Variants in GBP2 observed in about 807,000 individuals in gnomAD.
GBP2 encodes guanylate binding protein 2, also known as guanylate-binding protein 2.
Under a neutral mutation model 60.8 loss-of-function variants are expected in GBP2, and 54 were observed. The observed-to-expected ratio is 0.89, with a 90% CI of 0.71 to 1.11. The LOEUF is 1.11. GBP2 is among the 50% of genes most tolerant of loss of function. The probability of loss-of-function intolerance (pLI) is 0.00; values close to 1 mark genes in which losing one functional copy is unlikely to be tolerated. For synonymous variants in GBP2, 243 were observed against 256.5 expected (o/e 0.95, Z 0.50); for missense variants, 665 against 703.3 (o/e 0.95, Z 0.62).
intron 1 of GBP2, among the ~76,000 whole-genome samples, chr1:89,123,978 T>C (rs1681462246): frequency 6.6e-6 from 1 of 152,232 alleles, no homozygotes; most frequent in African/African-American, 2.4e-5. Context: ...TATACATGTA[T>C]ATTTTCTTAT....
intron 4 of GBP2, chr1:89,118,731 G>C (rs905767068): frequency 2.0e-5 from 3 of 152,168 alleles, no homozygotes; most frequent in Non-Finnish European, 2.9e-5. Context: ...TTTGATAGTG[G>C]AGCTGAAGGA....
intron 4 of GBP2, chr1:89,119,371 G>A (rs1681350116): frequency 6.6e-6 from 1 of 152,164 alleles, no homozygotes; most frequent in African/African-American, 2.4e-5. Flanking sequence ...ATCTAATTCA[G>A]TATAATGCTT....
At position 89,121,254 on chromosome 1, in the gene GBP2, G is replaced by C. The variant is rs747689051; in HGVS notation, c.207C>G (p.Ser69=). The C allele has an allele frequency of 3.1e-6, 5 of 1,607,658 alleles. No individual in the cohort carries two copies. In the South Asian group the frequency reaches 5.5e-5, roughly 18 times the overall value. ...TTCCCTTGGTGTGAGACTTCACTGT[G>C]GAGCCTAGAGAGAAGCCTGTAGAAG... ...AGKKNGFSLG[S]TVKSHTKGIW... The change falls in exon 3 of 11, where the codon TCC becomes TCG. Residue 69 remains serine, a synonymous_variant. Coordinates refer to ENST00000370466, the MANE Select transcript of GBP2 (RefSeq NM_004120.5).
rs570017772 is a variant in GBP2 at position 89,121,389 on chromosome 1, T to A, written c.191-119A>T. On this transcript the variant is annotated intron_variant, in intron 2 of 10. Coordinates refer to ENST00000370466, the MANE Select transcript of GBP2 (RefSeq NM_004120.5). ...TAAAAGAAAATACAACTGGCATAAATCTTAATTACAATCCTGGAAACAGGA... is the reference window on the plus strand; with the variant it reads ...TAAAAGAAAATACAACTGGCATAAAACTTAATTACAATCCTGGAAACAGGA... The A allele has an allele frequency of 4.6e-4, 393 of 861,522 alleles. 1 individual carries two copies. In the African/African-American group the frequency reaches 6.2e-3, roughly 14 times the overall value. 53.4% of individuals were successfully genotyped at this position (861,522 alleles called of 1,614,324 possible). A position where few individuals can be genotyped will look rare whatever the true frequency, so the allele number is the denominator to read the frequency against.
In GBP2 at chr1:89,110,368, C is replaced by G. The variant is rs1192264533; in HGVS notation, c.1363-102G>C. 3 of 846,262 alleles carry G rather than the reference C, an allele frequency of 3.5e-6. No homozygotes were observed. The African/African-American group carries it at 5.2e-5, about 15-fold the overall frequency. 52.4% of individuals were successfully genotyped at this position (846,262 alleles called of 1,614,324 possible). ...ACCCAGAGGAAAATAAGTCATTACA[C>G]AAAAAAGATACTTGCATACGCATGT... On this transcript the variant is annotated intron_variant, in intron 8 of 10. Coordinates refer to ENST00000370466, the MANE Select transcript of GBP2 (RefSeq NM_004120.5).
intron 7 of GBP2, 142 bp downstream of exon 7, chr1:89,113,874 C>T: frequency 9.0e-7 from 1 of 1,111,326 alleles, no homozygotes; most frequent in Non-Finnish European, 1.3e-6. Context: ...AGGTCTAAGG[C>T]TATGCACATT....
rs371230950 is a variant in GBP2, at chr1:89,112,460, C to T, written c.1362+12G>A. On this transcript the variant is annotated intron_variant, in intron 8 of 10. Transcript: ENST00000370466. ...GCGAGTCCCAAGAAATGGTACCCACCGTGTAGTTTACCTGTATCCCCTTCC... is the reference window on the plus strand; with the variant it reads ...GCGAGTCCCAAGAAATGGTACCCACTGTGTAGTTTACCTGTATCCCCTTCC... The T allele has an allele frequency of 3.7e-5, 59 of 1,610,862 alleles. 2 individuals are homozygous for T. Among genetic ancestry groups the T allele is most frequent in the Middle Eastern group, 3.3e-4 (2 of 6,072 alleles).
chr1:89,114,586 C>A lies in GBP2; in HGVS notation c.869-290G>T, dbSNP rs542986472. Among the ~76,000 whole-genome samples the A allele has an allele frequency of 2.6e-5, 4 of 152,272 alleles. No individual in the cohort carries two copies. The East Asian group carries it at 7.7e-4, about 29-fold the overall frequency. On this transcript the variant is annotated intron_variant, in intron 6 of 10. Transcript: ENST00000370466. ...TTTTCTCTCACCTCTCCCTCTATTC[C>A]CTTTCTCTCTTCACTACTAATTTAT...
intron 1 of GBP2, among the ~76,000 whole-genome samples, chr1:89,124,480 A>G (rs752081187): frequency 7.9e-5 from 12 of 152,216 alleles, no homozygotes; most frequent in Admixed American, 1.3e-4. Flanking sequence ...GGACTGAGCA[A>G]AGCTGAGCTC....
intron 8 of GBP2, among the ~76,000 whole-genome samples, chr1:89,111,185 A>G (rs1681157773): frequency 6.6e-6 from 1 of 152,238 alleles, no homozygotes; most frequent in Non-Finnish European, 1.5e-5. Flanking sequence ...TGACAGACTC[A>G]CAGCTATTAT....
At chr1:89,111,497 C>T (rs1336445653) in intron 8 of GBP2, among the ~76,000 whole-genome samples, 1 of 151,946 alleles carries the variant, frequency 6.6e-6, no homozygotes, top group African/African-American at 2.4e-5. Context: ...GGTCATCATG[C>T]TAAATGAAAT....
chr1:89,110,499 A>AC (rs984731415), intron 8 of GBP2, among the ~76,000 whole-genome samples: 3 of 152,188 alleles, frequency 2.0e-5, no homozygotes, highest in South Asian at 2.1e-4. Flanking sequence ...AACATATAAT[A>AC]CCCCCCCACA....
At position 89,125,411 on chromosome 1, in the gene GBP2, G is replaced by A. The variant is rs116132203; in HGVS notation, c.-18+452C>T. Among the ~76,000 whole-genome samples the A allele has an allele frequency of 9.9e-3, 1,511 of 152,276 alleles. 15 individuals are homozygous for A. Among genetic ancestry groups the A allele is most frequent in the Non-Finnish European group, 0.015 (998 of 68,020 alleles). ...CTTCTGTTTCATTTTATAGCATGAT[G>A]TAAACCACCTTAAAATGGGAATCAA... is the stretch of plus-strand genomic sequence containing the variant. On this transcript the variant is annotated intron_variant, in intron 1 of 10. Transcript: ENST00000370466.
rs1034965462 is a variant in GBP2 at position 89,109,660 on chromosome 1, A to T, written c.1659+17T>A. Reference sequence around the variant, plus strand: ...TGGGGCACTGGAAGAGAAAATTGAGATGATGCAATTGAATACCTGAAGTTT... The same window carrying T: ...TGGGGCACTGGAAGAGAAAATTGAGTTGATGCAATTGAATACCTGAAGTTT... On this transcript the variant is annotated intron_variant, in intron 10 of 10. Coordinates refer to ENST00000370466, the MANE Select transcript of GBP2 (RefSeq NM_004120.5). 6.8e-6 allele frequency: 11 copies of T among 1,608,696 alleles called. No individual in the cohort carries two copies. Among genetic ancestry groups the T allele is most frequent in the Non-Finnish European group, 9.3e-6 (11 of 1,177,562 alleles).
chr1:89,115,129 C>T (rs147818928), intron 6 of GBP2, among the ~76,000 whole-genome samples: 5 of 152,318 alleles, frequency 3.3e-5, no homozygotes, highest in African/African-American at 7.2e-5. Flanking sequence ...CATTAAATAA[C>T]ACAGCCATTC....
At chr1:89,110,142 G>C (rs1173736046) in intron 9 of GBP2, 22 bp downstream of exon 9, 5 of 1,541,984 alleles carry the variant, frequency 3.2e-6, no homozygotes, top group Non-Finnish European at 2.7e-6. Context: ...CGACCATGTA[G>C]AGTGTTTTCA....
chr1:89,116,318 C>T (rs1007250143), intron 6 of GBP2, among the ~76,000 whole-genome samples: 2 of 152,116 alleles, frequency 1.3e-5, no homozygotes, highest in African/African-American at 4.8e-5. Flanking sequence ...CCAGCCAACT[C>T]AATCATTTTT....
At chr1:89,120,427 AT>A (rs779635302) in intron 3 of GBP2, 139 bp from the exon 4 acceptor site, 7 of 668,640 alleles carry the variant, frequency 1.0e-5, no homozygotes, top group African/African-American at 3.7e-5. Context: ...CTTATGCAGT[AT>A]TTTTTTCTAC....
chr1:89,112,500 T>A lies in GBP2; in HGVS notation c.1334A>T (p.Tyr445Phe). The A allele has an allele frequency of 6.2e-7, 1 of 1,614,174 alleles. No homozygotes were observed. Among genetic ancestry groups the A allele is most frequent in the Non-Finnish European group, 8.5e-7 (1 of 1,180,010 alleles). The change falls in exon 8 of 11, where the codon TAC (tyrosine) becomes TTC (phenylalanine). Residue 445 changes from tyrosine (Y) to phenylalanine (F), a missense_variant. Tyr to Phe is a conservative substitution (Grantham distance 22, BLOSUM62 3). Coordinates refer to ENST00000370466, the MANE Select transcript of GBP2 (RefSeq NM_004120.5). Reference protein sequence around the residue: ...TQKLQELKNKYYQVPRKGIQA... With the variant: ...TQKLQELKNKFYQVPRKGIQA... ...TATCCCCTTCCTTGGCACCTGGTAGTACTTATTCTTCAGCTCCTGCAGCTT... is the reference window on the plus strand; with the variant it reads ...TATCCCCTTCCTTGGCACCTGGTAGAACTTATTCTTCAGCTCCTGCAGCTT...
Sources: allele counts gnomAD v4.1 joint callset (sites outside exome capture counted in the v4.1 genomes callset), GRCh38; gene constraint gnomAD v4.1.1; transcripts MANE v1.5; gene names NCBI Gene and HGNC (gene_info 2026-07-23, HGNC 2026-07-21).